Variants in TOR1AIP1 observed in about 807,000 individuals in gnomAD.
TOR1AIP1 encodes torsin 1A interacting protein 1.
Under a neutral mutation model 63.3 loss-of-function variants are expected in TOR1AIP1, and 54 were observed. That is an observed-to-expected ratio of 0.85 (90% CI 0.69 to 1.07). The LOEUF (loss-of-function observed/expected upper bound fraction) is 1.07. TOR1AIP1 is among the 50% of genes least tolerant of loss of function. TOR1AIP1 has a pLI of 0.00. For missense variants in TOR1AIP1, 736 were observed against 715.0 expected (o/e 1.03, Z -0.33); for synonymous variants, 294 against 273.5 (o/e 1.07, Z -0.74).
chr1:179,892,719 C>T (rs1166054425), intron 3 of TOR1AIP1, among the ~76,000 whole-genome samples: 4 of 123,980 alleles, frequency 3.2e-5, no homozygotes, highest in Non-Finnish European at 6.5e-5. Context: ...GCCTGGGGGA[C>T]AGAGCGAGAC....
chr1:179,909,260 C>T, intron 8 of TOR1AIP1, among the ~76,000 whole-genome samples: 1 of 152,286 alleles, frequency 6.6e-6, no homozygotes, highest in African/African-American at 2.4e-5. Context: ...AAATTCTACT[C>T]TTTTGACAAT....
intron 3 of TOR1AIP1, among the ~76,000 whole-genome samples, chr1:179,892,737 C>CA (rs71118413): frequency 4.0e-4 from 44 of 110,896 alleles, no homozygotes; most frequent in African/African-American, 1.1e-3. Context: ...GACTCCGTCT[C>CA]AAAAAAAAAA....
At chr1:179,917,117 T>G (rs1008080170) in intron 9 of TOR1AIP1, among the ~76,000 whole-genome samples, 39 of 152,244 alleles carry the variant, frequency 2.6e-4, no homozygotes, top group Non-Finnish European at 7.3e-5. Flanking sequence ...TTCTCCCAAC[T>G]ATTAGCAGTG....
At chr1:179,891,996 G>C (rs1648097377) in intron 3 of TOR1AIP1, among the ~76,000 whole-genome samples, 1 of 152,166 alleles carries the variant, frequency 6.6e-6, no homozygotes, top group Admixed American at 6.5e-5. Flanking sequence ...GACATACCAT[G>C]ATTTGTGGTT....
intron 6 of TOR1AIP1, among the ~76,000 whole-genome samples, chr1:179,907,184 G>A (rs1648663581): frequency 6.6e-6 from 1 of 151,682 alleles, no homozygotes; most frequent in African/African-American, 2.4e-5. Context: ...AGGAATTTGA[G>A]ACCAGCCTGG....
chr1:179,902,019 CTTTTTTTTTTTTT>C (rs767712125), intron 5 of TOR1AIP1, among the ~76,000 whole-genome samples: 1 of 98,792 alleles, frequency 1.0e-5, no homozygotes, highest in African/African-American at 3.9e-5. Flanking sequence ...AATTCCAATT[CTTTTTTTTTTTTT>C]TTTTTTTTTT....
chr1:179,912,204 G>C (rs552346725), intron 8 of TOR1AIP1, among the ~76,000 whole-genome samples: 25 of 151,772 alleles, frequency 1.6e-4, no homozygotes, highest in African/African-American at 6.0e-4. Context: ...TATTTTAGTA[G>C]AGACAGGGTT....
chr1:179,905,276 G>A (rs1284513534), intron 6 of TOR1AIP1, among the ~76,000 whole-genome samples: 1 of 152,144 alleles, frequency 6.6e-6, no homozygotes, highest in African/African-American at 2.4e-5. Context: ...TCGGGAGGCT[G>A]AGGCAGAAGA....
chr1:179,913,761 G>A, intron 8 of TOR1AIP1: 1 of 678,994 alleles, frequency 1.5e-6, no homozygotes, highest in South Asian at 1.6e-5. Context: ...TAATTATTGT[G>A]TGCTTTGTAC....
Position 179,918,019 on chromosome 1 carries a change from C to T in TOR1AIP1, c.1532C>T (p.Thr511Ile). 1 of 1,614,232 alleles carries T rather than the reference C, an allele frequency of 6.2e-7. No individual in the cohort carries two copies. The highest frequency in any genetic ancestry group is 8.5e-7 in the Non-Finnish European group (1 of 1,180,044). Residue 511 changes from threonine to isoleucine, a missense_variant, in exon 10 of 10, where the codon ACT becomes ATT. This residue lies in a region of TOR1AIP1 where 272 missense variants were observed against 344.1 expected (regional missense o/e 0.79). Coordinates refer to ENST00000606911, the MANE Select transcript of TOR1AIP1 (RefSeq NM_015602.4). ...AAFKDVALVL[T>I]VLLEEETLGT... ...TTCAAAGATGTAGCCTTAGTCCTGA[C>T]TGTCTTATTGGAGGAAGAGACACTT...
chr1:179,894,208 G>T (rs1204199283), intron 3 of TOR1AIP1, among the ~76,000 whole-genome samples: 1 of 146,944 alleles, frequency 6.8e-6, no homozygotes, highest in Non-Finnish European at 1.5e-5. Context: ...CCGAGATCCC[G>T]CCACCGCACT....
chr1:179,914,684 C>T (rs1412059186), intron 9 of TOR1AIP1, among the ~76,000 whole-genome samples: 4 of 152,000 alleles, frequency 2.6e-5, no homozygotes, highest in Admixed American at 2.6e-4. Flanking sequence ...GTCCCACCTA[C>T]TCAGGAGGCT....
At chr1:179,909,505 G>T (rs927950735) in intron 8 of TOR1AIP1, among the ~76,000 whole-genome samples, 1 of 151,898 alleles carries the variant, frequency 6.6e-6, no homozygotes, top group Non-Finnish European at 1.5e-5. Flanking sequence ...CTGCCTCCCG[G>T]GTTCAAGCAA....
At chr1:179,916,929 C>T (rs1219639607) in intron 9 of TOR1AIP1, among the ~76,000 whole-genome samples, 1 of 151,858 alleles carries the variant, frequency 6.6e-6, no homozygotes, top group Non-Finnish European at 1.5e-5. Context: ...CCTCGTGATC[C>T]TCCCTCCTCG....
In TOR1AIP1 at chr1:179,917,794, T is replaced by C. The variant is rs770886308; in HGVS notation, c.1307T>C (p.Phe436Ser). Residue 436 changes from phenylalanine (F) to serine (S), a missense_variant, in exon 10 of 10, where the codon TTT (phenylalanine) becomes TCT (serine). Physicochemically the swap from Phe to Ser is radical, Grantham distance 155. Transcript: ENST00000606911. ...SEQIADAYSS[F>S]RSVRAIRIDG... ...CAAATTGCTGATGCCTATTCTTCTT[T>C]TCGTAGTGTCCGTGCCATCCGGATT... 6.2e-7 allele frequency: 1 copy of C among 1,614,230 alleles called. No homozygotes were observed.
At chr1:179,916,931 CCCT>C (rs1381903443) in intron 9 of TOR1AIP1, among the ~76,000 whole-genome samples, 1 of 151,878 alleles carries the variant, frequency 6.6e-6, no homozygotes, top group Non-Finnish European at 1.5e-5. Context: ...TCGTGATCCT[CCCT>C]CCTCGGCCTC....
intron 3 of TOR1AIP1, among the ~76,000 whole-genome samples, chr1:179,893,907 A>C (rs76861209): frequency 0.053 from 8,125 of 152,282 alleles, 315 homozygotes; most frequent in Non-Finnish European, 0.068. Flanking sequence ...AGCTTAAAAT[A>C]TCTACTATTT....
intron 2 of TOR1AIP1, among the ~76,000 whole-genome samples, chr1:179,888,956 A>T (rs1296615551): frequency 6.6e-6 from 1 of 152,240 alleles, no homozygotes; most frequent in Non-Finnish European, 1.5e-5. Context: ...AATGAGGGTC[A>T]GTCACAAATG....
At chr1:179,894,287 G>A (rs553147638) in intron 3 of TOR1AIP1, among the ~76,000 whole-genome samples, 24 of 151,584 alleles carry the variant, frequency 1.6e-4, no homozygotes, top group South Asian at 2.1e-4. Context: ...GACAAATCAC[G>A]CAAATGGTCA....
Sources: gnomAD v4.1 joint callset for allele counts (sites outside exome capture counted in the v4.1 genomes callset) on GRCh38, gnomAD v4.1.1 for gene constraint, gnomAD v4.1.1 regional missense constraint, MANE v1.5 for transcripts, NCBI Gene and HGNC (gene_info 2026-07-23, HGNC 2026-07-21) for gene names.